The following ZNF148 variants were observed in gnomAD, a reference collection of about 807,000 sequenced individuals.
ZNF148 encodes Beta-Enolase Repressor Factor-1.
A neutral mutation model predicts 67.7 loss-of-function variants in ZNF148; 7 were observed. The observed-to-expected ratio is 0.10, with a 90% CI of 0.06 to 0.19. ZNF148 has a LOEUF of 0.19. ZNF148 is among the 10% of genes least tolerant of loss of function. The probability of loss-of-function intolerance (pLI) is 1.00; values close to 1 mark genes in which losing one functional copy is unlikely to be tolerated. For missense variants in ZNF148, 583 were observed against 947.1 expected (o/e 0.62, Z 5.05); for synonymous variants, 333 against 330.7 (o/e 1.01, Z -0.08).
rs745832067 is a variant in ZNF148 at position 125,233,614 on chromosome 3, G to A, written c.1112C>T (p.Ser371Leu). ...TTCTAAATGCGAGCCCCCAACTGAC[G>A]AATGTGGCATTTCAACAGCATATTC... Reference protein sequence around the residue: ...VAEYAVEMPHSSVGGSHLEDA... With the variant: ...VAEYAVEMPHLSVGGSHLEDA... The change falls in exon 9 of 9, where the codon TCG (serine) becomes TTG (leucine). Residue 371 changes from serine to leucine, a missense_variant. Physicochemically the swap from Ser to Leu is moderately radical, Grantham distance 145. Transcript: ENST00000360647. The surrounding 1 kb of genome is among the most constrained non-coding windows in gnomAD (Gnocchi z 5.1). The A allele has an allele frequency of 9.5e-5, 154 of 1,613,786 alleles. No homozygotes were observed. Among genetic ancestry groups the A allele is most frequent in the Non-Finnish European group, 1.2e-4 (138 of 1,179,940 alleles).
intron 7 of ZNF148, among the ~76,000 whole-genome samples, chr3:125,252,428 T>A (rs773569605): frequency 2.0e-5 from 3 of 152,122 alleles, no homozygotes; most frequent in Non-Finnish European, 4.4e-5. Context: ...GATTTTTGTA[T>A]ATGGTGTAAG....
chr3:125,265,047 T>G (rs920115494), intron 7 of ZNF148, among the ~76,000 whole-genome samples: 3 of 152,188 alleles, frequency 2.0e-5, no homozygotes, highest in Non-Finnish European at 4.4e-5. Context: ...TACACAATAT[T>G]CCAAGAACAG....
rs1455812866 is a variant in ZNF148 at position 125,226,953 on chromosome 3, GCTC to G, written c.*5385_*5387del. ...ACCTGAGTAGATTTTAAAATTTAGT[GCTC>G]CTATTTTTTGGGGGAGAGGGGAAGG... is the stretch of plus-strand genomic sequence containing the variant. On this transcript the variant is annotated 3_prime_UTR_variant, in exon 9 of 9. Transcript: ENST00000360647. 1 of 152,040 alleles carries G rather than the reference GCTC, an allele frequency of 6.6e-6. No individual in the cohort carries two copies. Among genetic ancestry groups the G allele is most frequent in the African/African-American group, 2.4e-5 (1 of 41,388 alleles). 9.4% of individuals were successfully genotyped at this position (152,040 alleles called of 1,614,324 possible).
At chr3:125,356,304 G>T (rs556073975) in intron 1 of ZNF148, among the ~76,000 whole-genome samples, 7 of 152,084 alleles carry the variant, frequency 4.6e-5, no homozygotes, top group Non-Finnish European at 8.8e-5. Flanking sequence ...TCTGGGATTG[G>T]TCACCAGACT....
intron 1 of ZNF148, among the ~76,000 whole-genome samples, chr3:125,356,235 T>C (rs7643632): frequency 0.77 from 117,354 of 152,144 alleles, 45,787 homozygotes; most frequent in African/African-American, 0.85. Flanking sequence ...CACACGTTCA[T>C]TTTTTGGCTC....
At chr3:125,321,716 TTC>T (rs1234146808) in intron 3 of ZNF148, among the ~76,000 whole-genome samples, 2 of 152,256 alleles carry the variant, frequency 1.3e-5, no homozygotes, top group Non-Finnish European at 2.9e-5. Context: ...GAATCTGACA[TTC>T]TGTTGGATCT....
chr3:125,358,890 G>C (rs186213587), intron 1 of ZNF148, among the ~76,000 whole-genome samples: 1 of 152,180 alleles, frequency 6.6e-6, no homozygotes, highest in East Asian at 1.9e-4. Context: ...GATGTTCAAA[G>C]GTCAAACCCC....
chr3:125,313,991 T>A (rs1940361162), intron 3 of ZNF148, among the ~76,000 whole-genome samples: 1 of 152,020 alleles, frequency 6.6e-6, no homozygotes, highest in Non-Finnish European at 1.5e-5. Context: ...TTGAAATGTG[T>A]TAAAAATAGA....
chr3:125,259,634 TA>T (rs370632680), intron 7 of ZNF148, among the ~76,000 whole-genome samples: 1 of 151,980 alleles, frequency 6.6e-6, no homozygotes, highest in African/African-American at 2.4e-5. Context: ...GCATTACGTC[TA>T]AAAAAAACCA....
chr3:125,306,507 T>C (rs1216202221), intron 4 of ZNF148, among the ~76,000 whole-genome samples: 2 of 152,148 alleles, frequency 1.3e-5, no homozygotes, highest in African/African-American at 2.4e-5. Context: ...TTTGGTCAAT[T>C]AAACAATTAA....
intron 1 of ZNF148, among the ~76,000 whole-genome samples, chr3:125,345,515 G>C (rs1206525663): frequency 6.6e-6 from 1 of 151,806 alleles, no homozygotes; most frequent in Non-Finnish European, 1.5e-5. Context: ...ATTATTAAAA[G>C]AAGAAATAAA....
At position 125,321,252 on chromosome 3, in the gene ZNF148, T is replaced by C. The variant is rs551702112; in HGVS notation, c.-17+2057A>G. 2.6e-5 allele frequency among the ~76,000 whole-genome samples: 4 copies of C among 152,288 alleles called. No individual in the cohort carries two copies. The East Asian group carries it at 5.8e-4, about 22-fold the overall frequency. On this transcript the variant is annotated intron_variant, in intron 3 of 8. Transcript: ENST00000360647. ...CTAATAGGAACATCATTTATAATAA[T>C]GGTAACTGGACAAAATGGTCTCTGA...
At chr3:125,310,488 T>C (rs571344928) in intron 4 of ZNF148, among the ~76,000 whole-genome samples, 3 of 152,054 alleles carry the variant, frequency 2.0e-5, no homozygotes, top group Non-Finnish European at 4.4e-5. Context: ...AGAGGAAAAT[T>C]TATAGTATGA....
chr3:125,256,778 G>A (rs780089675), intron 7 of ZNF148, among the ~76,000 whole-genome samples: 9 of 152,112 alleles, frequency 5.9e-5, no homozygotes, highest in Non-Finnish European at 1.2e-4. Context: ...TACTACCCTT[G>A]AGAGAAGTGA....
intron 1 of ZNF148, among the ~76,000 whole-genome samples, chr3:125,372,631 G>A (rs543710042): frequency 1.4e-4 from 21 of 152,316 alleles, no homozygotes; most frequent in Non-Finnish European, 2.5e-4. Context: ...TGAGACAGGG[G>A]CTGCTGTTTT....
intron 2 of ZNF148, among the ~76,000 whole-genome samples, chr3:125,323,916 G>A (rs952738073): frequency 1.5e-4 from 23 of 150,154 alleles, no homozygotes; most frequent in African/African-American, 7.4e-5. Context: ...CCAAGATTGC[G>A]CCACTGCACT....
chr3:125,287,414 G>A (rs1320392714), intron 5 of ZNF148, among the ~76,000 whole-genome samples: 3 of 152,162 alleles, frequency 2.0e-5, no homozygotes, highest in African/African-American at 7.2e-5. Context: ...TGAAGTGGGA[G>A]GACGGCTTGA....
In ZNF148 at chr3:125,355,116, G is replaced by A. The variant is rs543008701; in HGVS notation, c.-234+19986C>T. On this transcript the variant is annotated intron_variant, in intron 1 of 8. Coordinates refer to ENST00000360647, the MANE Select transcript of ZNF148 (RefSeq NM_021964.3). ...AGGAGTTATACTTGTTAATCTTCCA[G>A]CTCCACAATCCTGTGTTCTAATGTT... 8.1e-4 allele frequency among the ~76,000 whole-genome samples: 124 copies of A among 152,190 alleles called. 1 individual carries two copies. In the South Asian group the frequency reaches 0.01, roughly 13 times the overall value.
At chr3:125,318,421 T>G (rs1940620251) in intron 3 of ZNF148, among the ~76,000 whole-genome samples, 1 of 152,100 alleles carries the variant, frequency 6.6e-6, no homozygotes, top group African/African-American at 2.4e-5. Context: ...AGTCAGGGGC[T>G]AGGGATACTA....
Sources: allele counts gnomAD v4.1 joint callset (sites outside exome capture counted in the v4.1 genomes callset), GRCh38; gene constraint gnomAD v4.1.1; non-coding constraint Gnocchi (gnomAD v3.1); transcripts MANE v1.5; gene names NCBI Gene and HGNC (gene_info 2026-07-23, HGNC 2026-07-21).